Variants in ALG12 observed in about 807,000 individuals in gnomAD.
ALG12 encodes dol-P-Man:Man(7)GlcNAc(2)-PP-Dol alpha-1,6-mannosyltransferase.
Under a neutral mutation model 46.0 loss-of-function variants are expected in ALG12, and 36 were observed. The ratio of observed to expected loss-of-function variants is 0.78; its 90% CI spans 0.60 to 1.03. The LOEUF is 1.03. ALG12 is among the 50% of genes least tolerant of loss of function. The pLI is 0.00. For missense variants in ALG12, 599 were observed against 633.5 expected (o/e 0.95, Z 0.58); for synonymous variants, 326 against 291.6 (o/e 1.12, Z -1.20).
chr22:49,863,175 T>TTTGG, the ALG12 span, among the ~76,000 whole-genome samples: 49 of 152,050 alleles, frequency 3.2e-4, no homozygotes, highest in African/African-American at 4.6e-4. Flanking sequence ...GTAGATTGTG[T>TTTGG]TTGGTTGGTT....
chr22:49,865,008 C>T, the ALG12 span, among the ~76,000 whole-genome samples: 1 of 144,296 alleles, frequency 6.9e-6, no homozygotes, highest in Non-Finnish European at 1.5e-5. Flanking sequence ...CCCTGCAAAC[C>T]CTTATTCAGT....
At chr22:49,859,358 T>C in the ALG12 span, among the ~76,000 whole-genome samples, 1 of 152,184 alleles carries the variant, frequency 6.6e-6, no homozygotes, top group African/African-American at 2.4e-5. Context: ...CATGTCATAA[T>C]CTAGTAAAGC....
Position 49,903,734 on chromosome 22 carries a change from C to G in ALG12, c.*104G>C. On this transcript the variant is annotated 3_prime_UTR_variant, in exon 10 of 10. Transcript: ENST00000330817. Reference sequence around the variant, plus strand: ...CAGAGGCAGGTGCCCAGTCCTTTGACTTGCTTCTCTGAATTGTCATAATTG... The same window carrying G: ...CAGAGGCAGGTGCCCAGTCCTTTGAGTTGCTTCTCTGAATTGTCATAATTG... The G allele has an allele frequency of 7.3e-7, 1 of 1,376,824 alleles. No homozygotes were observed. The highest frequency in any genetic ancestry group is 1.0e-6 in the Non-Finnish European group (1 of 980,140). The allele number at this position is 1,376,824 out of a possible 1,614,324, so 85.3% of individuals were successfully genotyped here.
At chr22:49,887,186 G>C in the ALG12 span, 3 of 1,598,264 alleles carry the variant, frequency 1.9e-6, no homozygotes, top group East Asian at 2.2e-5. Context: ...TGAAACTCAC[G>C]ACGGCACCAC....
At chr22:49,894,887 C>T in the ALG12 span, among the ~76,000 whole-genome samples, 1 of 152,224 alleles carries the variant, frequency 6.6e-6, no homozygotes, top group Non-Finnish European at 1.5e-5. Flanking sequence ...CTCTCACGTC[C>T]ACCCACCCCA....
rs1256894399 is a variant in ALG12, at chr22:49,906,082, AC to A, written c.993-1577del. Among the ~76,000 whole-genome samples the A allele has an allele frequency of 6.6e-5, 10 of 151,786 alleles. No individual in the cohort carries two copies. In the South Asian group the frequency reaches 1.9e-3, roughly 28 times the overall value. ...CGGAGGGGGCCTTGCTCTACCCTGC[AC>A]CCCCTCATTTGGACTCCCCAAGTTT... On this transcript the variant is annotated intron_variant, in intron 7 of 9. Coordinates refer to ENST00000330817, the MANE Select transcript of ALG12 (RefSeq NM_024105.4). The surrounding 1 kb of genome is among the most constrained non-coding windows in gnomAD (Gnocchi z 4.4).
At chr22:49,880,375 A>G in the ALG12 span, among the ~76,000 whole-genome samples, 2 of 152,220 alleles carry the variant, frequency 1.3e-5, no homozygotes, top group Admixed American at 1.3e-4. Context: ...GAACCTCCGC[A>G]GGTCTGCGTA....
At chr22:49,915,602 G>A (rs1045778344) in intron 1 of ALG12, among the ~76,000 whole-genome samples, 1 of 152,048 alleles carries the variant, frequency 6.6e-6, no homozygotes, top group Non-Finnish European at 1.5e-5. Context: ...AAATAAACTT[G>A]GTATCAAACA....
intron 4 of ALG12, 69 bp downstream of exon 4, chr22:49,910,365 G>A (rs1601824022): frequency 1.3e-6 from 2 of 1,564,992 alleles, no homozygotes; most frequent in Non-Finnish European, 8.7e-7. Context: ...GCCATCAGCT[G>A]CACAGCCCGA....
intron 6 of ALG12, among the ~76,000 whole-genome samples, chr22:49,908,306 G>C (rs1407214884): frequency 6.7e-6 from 1 of 150,268 alleles, no homozygotes; most frequent in East Asian, 1.9e-4. Context: ...AAGGTGGGTA[G>C]ATCACGAGGT....
rs2060520675 is a variant in ALG12, at chr22:49,902,810, G to C, written c.*1028C>G. On this transcript the variant is annotated 3_prime_UTR_variant, in exon 10 of 10. Coordinates refer to ENST00000330817, the MANE Select transcript of ALG12 (RefSeq NM_024105.4). ...TGCACGGTGTGTGGTGTGTATGCAT[G>C]GTGTGTGCACGTGTGCACTGTGTAT... The C allele has an allele frequency of 2.1e-5, 2 of 95,798 alleles. No homozygotes were observed. Among genetic ancestry groups the C allele is most frequent in the Admixed American group, 8.3e-5 (1 of 12,022 alleles). 5.9% of individuals were successfully genotyped at this position (95,798 alleles called of 1,614,324 possible).
At chr22:49,874,361 T>C in the ALG12 span, among the ~76,000 whole-genome samples, 1 of 152,118 alleles carries the variant, frequency 6.6e-6, no homozygotes, top group African/African-American at 2.4e-5. Context: ...CATATGGTTT[T>C]CCTCCTTTTG....
At chr22:49,870,004 G>C in the ALG12 span, among the ~76,000 whole-genome samples, 1 of 152,106 alleles carries the variant, frequency 6.6e-6, no homozygotes, top group Admixed American at 6.5e-5. Context: ...CAGTCCCAGT[G>C]CCTGTGGTTC....
chr22:49,892,740 G>A, the ALG12 span, among the ~76,000 whole-genome samples: 43 of 152,272 alleles, frequency 2.8e-4, no homozygotes, highest in African/African-American at 9.6e-4. Context: ...GCATCAGGGC[G>A]ATCTGCCTCA....
At position 49,909,933 on chromosome 22, in the gene ALG12, C is replaced by A; in HGVS notation, c.625G>T (p.Ala209Ser). The A allele has an allele frequency of 6.2e-7, 1 of 1,614,156 alleles. No homozygotes were observed. The highest frequency in any genetic ancestry group is 8.5e-7 in the Non-Finnish European group (1 of 1,180,022). ...CCTGCCGGGACGGCGTGGCGAAGGG[C>A]TCTGACTACAGAAACCTTTCGGTTG... ...LGNRKVSVVR[A>S]LRHAVPAGIL... Residue 209 changes from alanine to serine, a missense_variant, in exon 5 of 10, where the codon GCC becomes TCC. Physicochemically the swap from Ala to Ser is moderately conservative, Grantham distance 99. Coordinates refer to ENST00000330817, the MANE Select transcript of ALG12 (RefSeq NM_024105.4).
At chr22:49,887,635 G>A in the ALG12 span, 1 of 171,588 alleles carries the variant, frequency 5.8e-6, no homozygotes, top group Non-Finnish European at 1.4e-5. Context: ...TCTGTAAATA[G>A]GAGGTGGAGG....
the ALG12 span, chr22:49,884,946 T>C: frequency 6.2e-7 from 1 of 1,610,588 alleles, no homozygotes; most frequent in Admixed American, 1.7e-5. Context: ...CGTCCTCTCC[T>C]GAGAAGCAGC....
chr22:49,895,639 G>A (rs968647920), downstream of ALG12, among the ~76,000 whole-genome samples: 6 of 148,732 alleles, frequency 4.0e-5, 1 homozygote, highest in East Asian at 7.8e-4. Context: ...ACAACAGAGC[G>A]AGACTCCATC....
intron 6 of ALG12, among the ~76,000 whole-genome samples, 188 bp downstream of exon 6, chr22:49,909,056 G>A (rs891196083): frequency 6.6e-6 from 1 of 152,066 alleles, no homozygotes; most frequent in Non-Finnish European, 1.5e-5. Context: ...GGCTGAGAGA[G>A]GGCAGCCAGG....
Sources: gnomAD v4.1 joint callset for allele counts (sites outside exome capture counted in the v4.1 genomes callset) on GRCh38, gnomAD v4.1.1 for gene constraint, Gnocchi (gnomAD v3.1) non-coding constraint, MANE v1.5 for transcripts, NCBI Gene and HGNC (gene_info 2026-07-23, HGNC 2026-07-21) for gene names.